LRRN2: variants seen among roughly 807,000 people sequenced by gnomAD.
LRRN2 encodes leucine-rich repeat neuronal protein 2.
Under a neutral mutation model 35.7 loss-of-function variants are expected in LRRN2, and 10 were observed. The ratio of observed to expected loss-of-function variants is 0.28; its 90% CI spans 0.17 to 0.47. The LOEUF (loss-of-function observed/expected upper bound fraction) is 0.47, where lower values mean the gene tolerates loss of function less well. Ranked by LOEUF, LRRN2 falls within the 20% of genes least tolerant of loss-of-function variation. LRRN2 has a pLI of 0.99. For synonymous variants in LRRN2, 391 were observed against 409.6 expected, an observed-to-expected ratio of 0.95 and a Z score of 0.55; for missense variants, 731 against 940.3, an observed-to-expected ratio of 0.78 and a Z score of 2.91.
At chr1:204,658,102 G>A (rs1023360692) in intron 1 of LRRN2, among the ~76,000 whole-genome samples, 4 of 150,096 alleles carry the variant, frequency 2.7e-5, no homozygotes, top group Admixed American at 6.7e-5. Context: ...CTCAGCCTCC[G>A]GAATATCTGG....
intron 1 of LRRN2, among the ~76,000 whole-genome samples, chr1:204,657,179 C>T (rs1254616049): frequency 1.3e-5 from 2 of 152,014 alleles, no homozygotes; most frequent in Non-Finnish European, 2.9e-5. Flanking sequence ...GTGGTGCAGA[C>T]CTGTAATCCC....
In LRRN2 at chr1:204,630,455, T is replaced by C. The variant is rs563082119; in HGVS notation, c.-226-10237A>G. The stretch of plus-strand genomic sequence containing the variant: ...AAGGAAAATAAAATCAGAATGAAAA[T>C]TGATGAGGCGGAGAGAAAAAGAGAC... On this transcript the variant is annotated intron_variant, in intron 1 of 1. Coordinates refer to ENST00000367177, the MANE Select transcript of LRRN2 (RefSeq NM_201630.2). Among the ~76,000 whole-genome samples, 4 of 151,732 alleles carry C rather than the reference T, an allele frequency of 2.6e-5. No individual in the cohort carries two copies. In the South Asian group the frequency reaches 8.3e-4, roughly 32 times the overall value.
intron 1 of LRRN2, among the ~76,000 whole-genome samples, chr1:204,669,434 T>C (rs1489177946): frequency 6.6e-6 from 1 of 152,230 alleles, no homozygotes; most frequent in Non-Finnish European, 1.5e-5. Context: ...ATACAACAGA[T>C]AGGGTCTCTA....
intron 1 of LRRN2, chr1:204,629,842 A>G (rs1667634339): frequency 6.6e-6 from 1 of 152,448 alleles, no homozygotes. Context: ...TCCTAAGCAA[A>G]TTCACGTAGG....
intron 1 of LRRN2, among the ~76,000 whole-genome samples, chr1:204,684,098 G>A (rs1423564772): frequency 1.3e-5 from 2 of 152,208 alleles, no homozygotes; most frequent in East Asian, 3.9e-4. Flanking sequence ...GGAAAGGGGG[G>A]CACGGAGCCT....
At chr1:204,677,383 A>G (rs1361622764) in intron 1 of LRRN2, among the ~76,000 whole-genome samples, 1 of 151,552 alleles carries the variant, frequency 6.6e-6, no homozygotes, top group Non-Finnish European at 1.5e-5. Context: ...ATCCTAGTCT[A>G]CTCCACTCTG....
At chr1:204,678,177 C>G (rs899780747) in intron 1 of LRRN2, among the ~76,000 whole-genome samples, 1 of 152,206 alleles carries the variant, frequency 6.6e-6, no homozygotes, top group African/African-American at 2.4e-5. Flanking sequence ...GTTTTAAATA[C>G]TGTCTGGTAT....
chr1:204,618,341 G>C lies in LRRN2; in HGVS notation c.1652C>G (p.Thr551Arg). ...ILLSWVTPPN[T>R]VSTNLTWSSA... ...GGACCAGGTGAGGTTGGTGGACACT[G>C]TGTTGGGTGGGGTGACCCAAGATAG... The change falls in exon 2 of 2, where the codon ACA becomes AGA. Residue 551 changes from threonine (T) to arginine (R), a missense_variant. By Grantham distance (71) the Thr-to-Arg change is moderately conservative. This residue lies in a region of LRRN2 where 229 missense variants were observed against 258.4 expected (regional missense o/e 0.89). Transcript: ENST00000367177. The C allele has an allele frequency of 1.3e-6, 2 of 1,595,308 alleles. No homozygotes were observed. Among genetic ancestry groups the C allele is most frequent in the Non-Finnish European group, 1.7e-6 (2 of 1,169,966 alleles).
intron 1 of LRRN2, among the ~76,000 whole-genome samples, chr1:204,672,895 C>A (rs537153075): frequency 8.3e-4 from 126 of 152,346 alleles, no homozygotes; most frequent in Non-Finnish European, 1.6e-3. Flanking sequence ...AAAACAGACT[C>A]ACCATTTCTC....
In LRRN2 at chr1:204,631,256, C is replaced by CAATCTAATATATATATATATATATATA. The variant is rs1282306008; in HGVS notation, c.-226-11039_-226-11038insTATATATATATATATATATATTAGATT. Among the ~76,000 whole-genome samples, 10 of 36,910 alleles carry CAATCTAATATATATATATATATATATA rather than the reference C, an allele frequency of 2.7e-4. 4 individuals carry two copies. The highest frequency in any genetic ancestry group is 8.2e-4 in the East Asian group (1 of 1,218). 24.2% of individuals were successfully genotyped at this position (36,910 alleles called of 152,430 possible). On this transcript the variant is annotated intron_variant, in intron 1 of 1. Coordinates refer to ENST00000367177, the MANE Select transcript of LRRN2 (RefSeq NM_201630.2). Reference sequence around the variant, plus strand: ...CAAGAAGAGTGATACCTAGAGTGTTCTATATATATATATATATATATATAT... The same window carrying CAATCTAATATATATATATATATATATA: ...CAAGAAGAGTGATACCTAGAGTGTTCAATCTAATATATATATATATATATATATATATATATATATATATATATATAT...
In LRRN2 at chr1:204,634,545, GA is replaced by G. The variant is rs74308415; in HGVS notation, c.-226-14328del. On this transcript the variant is annotated intron_variant, in intron 1 of 1. Coordinates refer to ENST00000367177, the MANE Select transcript of LRRN2 (RefSeq NM_201630.2). ...TTCAATATGACTGGTATCCTTATAA[GA>G]AAAAAAAGCCATGTGAAGACAGAGG... Among the ~76,000 whole-genome samples, 46 of 152,006 alleles carry G rather than the reference GA, an allele frequency of 3.0e-4. No homozygotes were observed. The East Asian group carries it at 8.3e-3, about 27-fold the overall frequency.
chr1:204,618,035 C>T lies in LRRN2; in HGVS notation c.1958G>A (p.Gly653Asp), dbSNP rs775169760. 3 of 1,612,838 alleles carry T rather than the reference C, an allele frequency of 1.9e-6. No homozygotes were observed. The highest frequency in any genetic ancestry group is 2.2e-5 in the East Asian group (1 of 44,862). Residue 653 changes from glycine (G) to aspartate (D), a missense_variant, in exon 2 of 2, where the codon GGC (glycine) becomes GAC (aspartate). By Grantham distance (94) the Gly-to-Asp change is moderately conservative (BLOSUM62 -1). Coordinates refer to ENST00000367177, the MANE Select transcript of LRRN2 (RefSeq NM_201630.2). ...AAGLAAHLGTGQPRKGVGGRR... is the reference protein window; with the variant it reads ...AAGLAAHLGTDQPRKGVGGRR... ...CCCACCCACACCCTTCCTGGGTTGG[C>T]CTGTGCCAAGGTGGGCCGCTAGCCC...
chr1:204,619,257 C>A lies in LRRN2; in HGVS notation c.736G>T (p.Asp246Tyr). ...LQSLESLSFY[D>Y]NQLARVPRRA... ...CTGGGCACCCGGGCCAGCTGGTTGT[C>A]ATAGAAGGAGAGGCTCTCCAGGCTT... Residue 246 changes from aspartate to tyrosine, a missense_variant, in exon 2 of 2, where the codon GAC becomes TAC. Transcript: ENST00000367177. 1 of 1,614,146 alleles carries A rather than the reference C, an allele frequency of 6.2e-7. No homozygotes were observed. The highest frequency in any genetic ancestry group is 1.1e-5 in the South Asian group (1 of 91,066).
intron 1 of LRRN2, among the ~76,000 whole-genome samples, chr1:204,676,139 CGTGTGTGTGTGT>C (rs56189865): frequency 0.18 from 27,219 of 148,910 alleles, 2,652 homozygotes; most frequent in East Asian, 0.38. Flanking sequence ...TACATGGAGC[CGTGTGTGTGTGT>C]GTGTGTGTGT....
intron 1 of LRRN2, among the ~76,000 whole-genome samples, chr1:204,671,642 T>TAAAAAAAAAAA (rs35192809): frequency 3.3e-5 from 1 of 30,252 alleles, no homozygotes; most frequent in Non-Finnish European, 5.4e-5. Context: ...TAATTGATGG[T>TAAAAAAAAAAA]AAAAAAAAAA....
chr1:204,667,884 G>T lies in LRRN2; in HGVS notation c.-227+17436C>A, dbSNP rs371070631. On this transcript the variant is annotated intron_variant, in intron 1 of 1. Transcript: ENST00000367177. ...GGAGGCAGTGAGGGCTGGAGGAAGA[G>T]GCTGGCAAAGTAGGCAGAAGCCACG... Among the ~76,000 whole-genome samples the T allele has an allele frequency of 2.0e-5, 3 of 152,200 alleles. No individual in the cohort carries two copies. In the East Asian group the frequency reaches 5.8e-4, roughly 29 times the overall value.
At chr1:204,639,221 T>C (rs1248102930) in intron 1 of LRRN2, among the ~76,000 whole-genome samples, 1 of 152,238 alleles carries the variant, frequency 6.6e-6, no homozygotes, top group East Asian at 1.9e-4. Flanking sequence ...TCTTTTACTC[T>C]ACAAAGATTC....
intron 1 of LRRN2, among the ~76,000 whole-genome samples, chr1:204,649,109 G>A (rs528561653): frequency 6.6e-6 from 1 of 152,328 alleles, no homozygotes; most frequent in African/African-American, 2.4e-5. Context: ...AAGAACTCAG[G>A]GTTTCTGATT....
chr1:204,657,334 G>GTA (rs79698374), intron 1 of LRRN2, among the ~76,000 whole-genome samples: 216 of 124,944 alleles, frequency 1.7e-3, no homozygotes, highest in Non-Finnish European at 3.2e-3. Context: ...CTATATATAT[G>GTA]TATATATACA....
Sources: allele counts gnomAD v4.1 joint callset (sites outside exome capture counted in the v4.1 genomes callset), GRCh38; gene constraint gnomAD v4.1.1; regional missense constraint gnomAD v4.1.1; transcripts MANE v1.5; gene names NCBI Gene and HGNC (gene_info 2026-07-23, HGNC 2026-07-21).